Variants in FUT9 observed in about 807,000 individuals in gnomAD.
FUT9 encodes fucosyltransferase 9, also known as 4-galactosyl-N-acetylglucosaminide 3-alpha-L-fucosyltransferase 9.
A neutral mutation model predicts 29.7 loss-of-function variants in FUT9; 15 were observed. That is an observed-to-expected ratio of 0.51 (90% CI 0.34 to 0.78). The LOEUF (loss-of-function observed/expected upper bound fraction) is 0.78. Among genes scored for constraint, FUT9 ranks in the 30% least tolerant of loss-of-function variants. FUT9 has a pLI of 0.01. For synonymous variants in FUT9, 169 were observed against 153.7 expected (o/e 1.10, Z -0.74); for missense variants, 319 against 425.4 (o/e 0.75, Z 2.20).
Position 96,200,888 on chromosome 6 carries a change from G to C in FUT9, c.-8-2260G>C, listed in dbSNP as rs147559222. Among the ~76,000 whole-genome samples the C allele has an allele frequency of 1.5e-3, 224 of 151,984 alleles. 1 individual carries two copies. Among genetic ancestry groups the C allele is most frequent in the African/African-American group, 5.2e-3 (214 of 41,492 alleles). Reference sequence around the variant, plus strand: ...CAAATGCAACTAAACTTCCATAAACGTACTCTTGAATCACATCACGATCTA... The same window carrying C: ...CAAATGCAACTAAACTTCCATAAACCTACTCTTGAATCACATCACGATCTA... On this transcript the variant is annotated intron_variant, in intron 2 of 2. Coordinates refer to ENST00000302103, the MANE Select transcript of FUT9 (RefSeq NM_006581.4).
At chr6:96,154,095 A>C (rs2127977628) in intron 2 of FUT9, among the ~76,000 whole-genome samples, 1 of 152,320 alleles carries the variant, frequency 6.6e-6, no homozygotes, top group East Asian at 1.9e-4. Flanking sequence ...TCTGTTTGAC[A>C]CAACATTTGC....
intron 1 of FUT9, among the ~76,000 whole-genome samples, chr6:96,024,654 C>G (rs1349701680): frequency 6.6e-6 from 1 of 151,716 alleles, no homozygotes; most frequent in Non-Finnish European, 1.5e-5. Context: ...GGGGCATTAG[C>G]TGCCGCAATA....
chr6:96,100,651 T>A (rs1244097796), intron 1 of FUT9, among the ~76,000 whole-genome samples: 1 of 151,816 alleles, frequency 6.6e-6, no homozygotes, highest in East Asian at 1.9e-4. Flanking sequence ...TGGTGAGGAG[T>A]GATGATCGAT....
intron 2 of FUT9, among the ~76,000 whole-genome samples, chr6:96,152,751 TC>T (rs1388168790): frequency 2.0e-5 from 3 of 152,168 alleles, no homozygotes; most frequent in Non-Finnish European, 4.4e-5. Context: ...CTACGAATAT[TC>T]TGCCAAGTAC....
At chr6:96,044,564 A>G (rs528485514) in intron 1 of FUT9, among the ~76,000 whole-genome samples, 1 of 152,332 alleles carries the variant, frequency 6.6e-6, no homozygotes, top group South Asian at 2.1e-4. Flanking sequence ...ATTGACACAG[A>G]ATCTCCAAAC....
intron 1 of FUT9, among the ~76,000 whole-genome samples, chr6:96,106,077 AAG>A (rs1381942385): frequency 6.6e-6 from 1 of 150,474 alleles, no homozygotes; most frequent in African/African-American, 2.4e-5. Flanking sequence ...GGGGTCAGGA[AAG>A]AGAGAAAGCC....
chr6:96,159,993 C>A (rs4526205), intron 2 of FUT9, among the ~76,000 whole-genome samples: 24,108 of 151,926 alleles, frequency 0.16, 2,126 homozygotes, highest in African/African-American at 0.19. Flanking sequence ...ATATTATCAA[C>A]GAAACAAGAA....
At chr6:96,142,768 A>G (rs1006282560) in intron 2 of FUT9, among the ~76,000 whole-genome samples, 1 of 152,174 alleles carries the variant, frequency 6.6e-6, no homozygotes, top group African/African-American at 2.4e-5. Context: ...TTTTTAAATT[A>G]TAAGGAGTAG....
chr6:96,173,908 A>G (rs942070885), intron 2 of FUT9, among the ~76,000 whole-genome samples: 66 of 152,238 alleles, frequency 4.3e-4, no homozygotes, highest in African/African-American at 1.5e-3. Flanking sequence ...TTAAAAAACC[A>G]TTTTGCATAA....
chr6:96,048,892 C>T (rs1284794425), intron 1 of FUT9, among the ~76,000 whole-genome samples: 1 of 152,124 alleles, frequency 6.6e-6, no homozygotes. Context: ...GTCAGCTTGT[C>T]TGCATTTGAA....
At chr6:96,108,712 C>T (rs191319282) in intron 1 of FUT9, among the ~76,000 whole-genome samples, 167 of 152,296 alleles carry the variant, frequency 1.1e-3, no homozygotes, top group African/African-American at 3.9e-3. Context: ...TTTGCTCATG[C>T]TGAAGTGCCT....
chr6:96,147,483 T>C (rs924191961), intron 2 of FUT9, among the ~76,000 whole-genome samples: 3 of 152,084 alleles, frequency 2.0e-5, no homozygotes, highest in Non-Finnish European at 2.9e-5. Context: ...ATTTTCATTA[T>C]CCTCATGTTT....
At chr6:96,122,464 C>A (rs1246515973) in intron 2 of FUT9, among the ~76,000 whole-genome samples, 1 of 152,166 alleles carries the variant, frequency 6.6e-6, no homozygotes, top group Non-Finnish European at 1.5e-5. Flanking sequence ...CCAACCACCA[C>A]AGAAATTCAC....
intron 1 of FUT9, among the ~76,000 whole-genome samples, chr6:96,031,501 G>C (rs892594031): frequency 1.3e-5 from 2 of 151,426 alleles, no homozygotes; most frequent in Admixed American, 6.6e-5. Flanking sequence ...AGTAGAGTTA[G>C]GGTGACTGCC....
rs569275655 is a variant in FUT9 at position 96,072,305 on chromosome 6, G to A, written c.-97-41734G>A. Reference sequence around the variant, plus strand: ...TTTCGTACCACCTTATTTCTAAGCAGTCAGAGCATAGGAATGACTGATTAT... The same window carrying A: ...TTTCGTACCACCTTATTTCTAAGCAATCAGAGCATAGGAATGACTGATTAT... On this transcript the variant is annotated intron_variant, in intron 1 of 2. Coordinates refer to ENST00000302103, the MANE Select transcript of FUT9 (RefSeq NM_006581.4). Among the ~76,000 whole-genome samples, 4 of 152,232 alleles carry A rather than the reference G, an allele frequency of 2.6e-5. No homozygotes were observed. The East Asian group carries it at 7.7e-4, about 29-fold the overall frequency.
chr6:96,047,740 T>C (rs1312207283), intron 1 of FUT9, among the ~76,000 whole-genome samples: 1 of 152,094 alleles, frequency 6.6e-6, no homozygotes, highest in East Asian at 1.9e-4. Flanking sequence ...ATAGGTAATA[T>C]GTGAGAAAAT....
intron 2 of FUT9, among the ~76,000 whole-genome samples, chr6:96,144,584 T>C (rs1772529970): frequency 1.3e-5 from 2 of 152,206 alleles, no homozygotes; most frequent in Non-Finnish European, 2.9e-5. Flanking sequence ...TGCTTGCTAA[T>C]TTGATTAAAA....
At chr6:96,034,619 T>C (rs1770320210) in intron 1 of FUT9, among the ~76,000 whole-genome samples, 1 of 151,722 alleles carries the variant, frequency 6.6e-6, no homozygotes, top group African/African-American at 2.4e-5. Context: ...TGAATCCATT[T>C]GAGAAGCAAC....
At position 96,129,281 on chromosome 6, in the gene FUT9, AAAAAAAAAAAACAAAC is replaced by A. The variant is rs757611039; in HGVS notation, c.-9+15157_-9+15172del. ...CTCTGTCTCAAAAAAAAAAAAAAAA[AAAAAAAAAAAACAAAC>A]AACCAGCCATGGTGGCATGTGCCTG... On this transcript the variant is annotated intron_variant, in intron 2 of 2. Coordinates refer to ENST00000302103, the MANE Select transcript of FUT9 (RefSeq NM_006581.4). 1.7e-3 allele frequency among the ~76,000 whole-genome samples: 158 copies of A among 93,108 alleles called. 14 individuals are homozygous for A. The highest frequency in any genetic ancestry group is 7.3e-3 in the East Asian group (18 of 2,478). 61.1% of individuals were successfully genotyped at this position (93,108 alleles called of 152,430 possible). A position where few individuals can be genotyped will look rare whatever the true frequency, so the allele number is the denominator to read the frequency against.
Sources: allele counts gnomAD v4.1 joint callset (sites outside exome capture counted in the v4.1 genomes callset), GRCh38; gene constraint gnomAD v4.1.1; transcripts MANE v1.5; gene names NCBI Gene and HGNC (gene_info 2026-07-23, HGNC 2026-07-21).